The following ZFHX3 variants were observed in gnomAD, a reference collection of about 807,000 sequenced individuals.
ZFHX3 encodes zinc finger homeobox 3.
In ZFHX3, 42 loss-of-function variants were observed where a neutral mutation model predicts 279.1. The ratio of observed to expected loss-of-function variants is 0.15; its 90% CI spans 0.12 to 0.19. ZFHX3 has a LOEUF of 0.19. Ranked by LOEUF, ZFHX3 falls within the 10% of genes least tolerant of loss-of-function variation. The pLI is 1.00. For synonymous variants in ZFHX3, 2,293 were observed against 1,957.8 expected (o/e 1.17, Z -4.52); for missense variants, 4,981 against 4,754.0 (o/e 1.05, Z -1.40).
chr16:73,118,132 A>G (rs1023427732), intron 7 of ZFHX3, among the ~76,000 whole-genome samples: 9 of 152,226 alleles, frequency 5.9e-5, no homozygotes, highest in African/African-American at 2.2e-4. Context: ...ACAGATGGAC[A>G]AAGAGGACCC....
At chr16:73,659,041 GGAGA>G (rs1567544661) in intron 2 of ZFHX3, among the ~76,000 whole-genome samples, 1 of 152,136 alleles carries the variant, frequency 6.6e-6, no homozygotes, top group Non-Finnish European at 1.5e-5. Flanking sequence ...AGAAAGAGAT[GGAGA>G]GAGATGGCAA....
chr16:73,480,463 A>C (rs1280350539), intron 2 of ZFHX3, among the ~76,000 whole-genome samples: 1 of 152,114 alleles, frequency 6.6e-6, no homozygotes, highest in Non-Finnish European at 1.5e-5. Context: ...TCCTCCTGCC[A>C]CTGCTAAGGA....
intron 2 of ZFHX3, among the ~76,000 whole-genome samples, chr16:73,642,063 G>T (rs1192163941): frequency 6.6e-6 from 1 of 152,072 alleles, no homozygotes; most frequent in Non-Finnish European, 1.5e-5. Flanking sequence ...TCTCTTTAAG[G>T]CAGCTGCTTA....
chr16:73,888,380 TG>T, intron 1 of ZFHX3, among the ~76,000 whole-genome samples: 1 of 152,328 alleles, frequency 6.6e-6, no homozygotes, highest in South Asian at 2.1e-4. Flanking sequence ...CCATAGTTGT[TG>T]CTCTCTCGAA....
chr16:73,242,234 A>C (rs1449822230), intron 5 of ZFHX3, among the ~76,000 whole-genome samples: 3 of 152,192 alleles, frequency 2.0e-5, no homozygotes, highest in Non-Finnish European at 2.9e-5. Context: ...AAAGGTAGTC[A>C]GGGCAGAATA....
intron 3 of ZFHX3, among the ~76,000 whole-genome samples, chr16:73,441,881 G>A (rs1008726171): frequency 2.6e-5 from 4 of 152,212 alleles, no homozygotes; most frequent in African/African-American, 9.6e-5. Flanking sequence ...ATGTGCTACA[G>A]AAGCACAAAT....
intron 5 of ZFHX3, among the ~76,000 whole-genome samples, chr16:72,817,607 C>T (rs1398549426): frequency 1.3e-5 from 2 of 152,200 alleles, no homozygotes; most frequent in African/African-American, 2.4e-5. Flanking sequence ...CTGCATCCTA[C>T]GATGCAGACC....
chr16:73,661,264 A>C (rs927478379), intron 2 of ZFHX3, among the ~76,000 whole-genome samples: 2 of 152,226 alleles, frequency 1.3e-5, no homozygotes, highest in African/African-American at 4.8e-5. Flanking sequence ...TATGATGTAA[A>C]CACATTTTGC....
At chr16:73,007,515 C>T (rs967557766) in intron 1 of ZFHX3, among the ~76,000 whole-genome samples, 3 of 152,138 alleles carry the variant, frequency 2.0e-5, no homozygotes, top group African/African-American at 7.2e-5. Context: ...GGTGCGATCT[C>T]GGCTCACTAC....
chr16:72,984,194 A>C (rs1038459420), intron 1 of ZFHX3, among the ~76,000 whole-genome samples: 6 of 152,228 alleles, frequency 3.9e-5, no homozygotes, highest in Non-Finnish European at 8.8e-5. Flanking sequence ...AGGAATAAGC[A>C]AGCCACAGGC....
intron 2 of ZFHX3, among the ~76,000 whole-genome samples, chr16:73,510,198 C>G (rs1159641284): frequency 6.6e-6 from 1 of 152,168 alleles, no homozygotes. Context: ...AATTACACCA[C>G]TCTCTTCTAA....
chr16:73,397,023 T>C (rs929026217), intron 3 of ZFHX3, among the ~76,000 whole-genome samples: 3 of 152,206 alleles, frequency 2.0e-5, no homozygotes, highest in Non-Finnish European at 4.4e-5. Context: ...CATAAGGAAA[T>C]AAACCTAAGC....
At chr16:73,496,063 GCA>G in intron 2 of ZFHX3, among the ~76,000 whole-genome samples, 1 of 152,272 alleles carries the variant, frequency 6.6e-6, no homozygotes, top group Non-Finnish European at 1.5e-5. Flanking sequence ...CACACACGGA[GCA>G]CACATGGCTG....
chr16:73,620,402 G>C (rs916669056), intron 2 of ZFHX3, among the ~76,000 whole-genome samples: 2 of 152,196 alleles, frequency 1.3e-5, no homozygotes, highest in African/African-American at 4.8e-5. Context: ...ATTTCCACCA[G>C]GTGGCTGTCA....
At chr16:73,050,536 A>G (rs1204409412), upstream of ZFHX3, among the ~76,000 whole-genome samples, 1 of 152,222 alleles carries the variant, frequency 6.6e-6, no homozygotes, top group Non-Finnish European at 1.5e-5. Context: ...ACCTCTACTA[A>G]AACTCATTTT....
intron 1 of ZFHX3, among the ~76,000 whole-genome samples, chr16:73,039,478 TCCC>T (rs1172374845): frequency 6.6e-6 from 1 of 152,074 alleles, no homozygotes; most frequent in Non-Finnish European, 1.5e-5. Context: ...CGATTTTGCC[TCCC>T]CAAGGGACAG....
intron 2 of ZFHX3, among the ~76,000 whole-genome samples, chr16:73,562,595 C>CA (rs35887424): frequency 0.2 from 20,508 of 102,180 alleles, 3,261 homozygotes; most frequent in East Asian, 0.43. Context: ...GACTCCGTCT[C>CA]AAAAAAAAAA....
In ZFHX3 at chr16:72,995,764, T is replaced by C. The variant is rs1355745318; in HGVS notation, c.-49-35570A>G. Reference sequence around the variant, plus strand: ...TGCAACTTCACAGGGCCTCAGCGTTTCACCATCAACAAAGGAAAGCTCTGG... The same window carrying C: ...TGCAACTTCACAGGGCCTCAGCGTTCCACCATCAACAAAGGAAAGCTCTGG... On this transcript the variant is annotated intron_variant, in intron 1 of 9. Transcript: ENST00000268489. Among the ~76,000 whole-genome samples, 7 of 152,292 alleles carry C rather than the reference T, an allele frequency of 4.6e-5. No individual in the cohort carries two copies. The East Asian group carries it at 1.4e-3, about 29-fold the overall frequency.
chr16:73,239,414 T>A (rs891422607), intron 5 of ZFHX3, among the ~76,000 whole-genome samples: 3 of 152,226 alleles, frequency 2.0e-5, no homozygotes, highest in African/African-American at 7.2e-5. Context: ...GAGGAAACAC[T>A]AAATTAACAG....
Sources: allele counts gnomAD v4.1 joint callset (sites outside exome capture counted in the v4.1 genomes callset), GRCh38; gene constraint gnomAD v4.1.1; transcripts MANE v1.5; gene names NCBI Gene and HGNC (gene_info 2026-07-23, HGNC 2026-07-21).